The following COG3 variants were observed in gnomAD, a reference collection of about 807,000 sequenced individuals.
COG3 encodes the protein conserved oligomeric Golgi complex subunit 3.
COG3 carries 32 observed loss-of-function variants against 114.1 expected under a neutral mutation model. The ratio of observed to expected loss-of-function variants is 0.28; its 90% CI spans 0.21 to 0.38. COG3 has a LOEUF of 0.38. COG3 is among the 10% of genes least tolerant of loss of function. The pLI, the probability that COG3 is intolerant of heterozygous loss-of-function variation, is 1.00. For synonymous variants in COG3, 352 were observed against 365.7 expected (o/e 0.96, Z 0.43); for missense variants, 813 against 973.2 (o/e 0.84, Z 2.19).
At chr13:45,481,197 AAT>A (rs1405581037) in intron 4 of COG3, 31 bp from the exon 5 acceptor site, 2 of 1,203,146 alleles carry the variant, frequency 1.7e-6, no homozygotes, top group Admixed American at 3.8e-5. Flanking sequence ...ATATTCTTAT[AAT>A]AATTGATTTT....
At chr13:45,483,128 C>T in intron 6 of COG3, 102 bp from the exon 7 acceptor site, 1 of 729,348 alleles carries the variant, frequency 1.4e-6, no homozygotes, top group Non-Finnish European at 2.1e-6. Flanking sequence ...TGTTTTTGAA[C>T]TTTATATATT....
chr13:45,497,926 A>G (rs759607637), intron 13 of COG3, among the ~76,000 whole-genome samples: 1 of 152,218 alleles, frequency 6.6e-6, no homozygotes, highest in South Asian at 2.1e-4. Flanking sequence ...ATGAGTAAAG[A>G]TATCAAGTCA....
chr13:45,478,490 TGA>T (rs2137794237), intron 2 of COG3, among the ~76,000 whole-genome samples: 1 of 150,184 alleles, frequency 6.7e-6, no homozygotes, highest in Admixed American at 6.6e-5. Flanking sequence ...TTTTTTTTTT[TGA>T]GACAGAATTT....
At chr13:45,519,357 T>G (rs900576808) in intron 19 of COG3, among the ~76,000 whole-genome samples, 2 of 152,228 alleles carry the variant, frequency 1.3e-5, no homozygotes, top group African/African-American at 4.8e-5. Context: ...TTAGCTGTGT[T>G]CTGTTTATCC....
At chr13:45,494,149 A>G (rs1868437963) in intron 12 of COG3, among the ~76,000 whole-genome samples, 1 of 152,020 alleles carries the variant, frequency 6.6e-6, no homozygotes, top group Non-Finnish European at 1.5e-5. Flanking sequence ...ACATGGTGAA[A>G]CCCCGTCTCT....
At chr13:45,527,848 G>GA (rs1229299753) in intron 20 of COG3, among the ~76,000 whole-genome samples, 1 of 152,068 alleles carries the variant, frequency 6.6e-6, no homozygotes, top group Non-Finnish European at 1.5e-5. Context: ...ATGTATTAAT[G>GA]AAAAATAAGC....
At position 45,486,339 on chromosome 13, in the gene COG3, C is replaced by CGGGAGACGGAGAGGGAGA. The variant is rs1555295083; in HGVS notation, c.844-150_844-149insCGGAGAGGGAGAGGGAGA. ...GAGACGGGAGACGGGAGACGGGAGA[C>CGGGAGACGGAGAGGGAGA]GGGAGAGGGAGAGGGAGAGGGAGAG... On this transcript the variant is annotated intron_variant, in intron 7 of 22. Transcript: ENST00000349995. Among the ~76,000 whole-genome samples, 171 of 55,230 alleles carry CGGGAGACGGAGAGGGAGA rather than the reference C, an allele frequency of 3.1e-3. 11 individuals carry two copies. The highest frequency in any genetic ancestry group is 3.8e-3 in the Non-Finnish European group (126 of 32,774). The allele number at this position is 55,230 out of a possible 152,430, so 36.2% of individuals were successfully genotyped here. A position where few individuals can be genotyped will look rare whatever the true frequency, so the allele number is the denominator to read the frequency against.
In COG3 at chr13:45,496,153, T is replaced by A; in HGVS notation, c.1329T>A (p.Ala443=). 4 of 1,605,694 alleles carry A rather than the reference T, an allele frequency of 2.5e-6. No individual in the cohort carries two copies. Among genetic ancestry groups the A allele is most frequent in the Admixed American group, 1.7e-5 (1 of 59,256 alleles). ...EVLEDHVQNN[A]EQLGAFAAGV... ...TGGATGATTGCACTTTTTTATCAGC[T>A]GAGCAACTGGGGGCATTTGCAGCTG... The change falls in exon 13 of 23, where the codon GCT becomes GCA. Residue 443 remains alanine, a splice_region_variant and synonymous_variant. Coordinates refer to ENST00000349995, the MANE Select transcript of COG3 (RefSeq NM_031431.4).
chr13:45,469,217 T>C (rs1885326395), intron 1 of COG3, among the ~76,000 whole-genome samples: 1 of 152,202 alleles, frequency 6.6e-6, no homozygotes, highest in Admixed American at 6.5e-5. Flanking sequence ...AAATTTAGAA[T>C]ATATTTACTC....
chr13:45,504,788 G>A lies in COG3; in HGVS notation c.1594+1439G>A, dbSNP rs148667001. ...AATATGGTAGCCACTGCCATTGAGC[G>A]TGTGAAATGTGGCTAGTCTGAATGT... On this transcript the variant is annotated intron_variant, in intron 14 of 22. Transcript: ENST00000349995. Among the ~76,000 whole-genome samples, 892 of 152,290 alleles carry A rather than the reference G, an allele frequency of 5.9e-3. 6 individuals are homozygous for A. Among genetic ancestry groups the A allele is most frequent in the Non-Finnish European group, 9.5e-3 (646 of 68,036 alleles).
At chr13:45,487,538 G>T (rs765871190) in intron 8 of COG3, among the ~76,000 whole-genome samples, 1 of 152,110 alleles carries the variant, frequency 6.6e-6, no homozygotes, top group Non-Finnish European at 1.5e-5. Flanking sequence ...CTTAACAGAA[G>T]AAGGCCCCAA....
chr13:45,486,867 G>A (rs1381967479), intron 8 of COG3, among the ~76,000 whole-genome samples: 1 of 152,226 alleles, frequency 6.6e-6, no homozygotes, highest in East Asian at 1.9e-4. Context: ...CCAATAAGGT[G>A]TTTTGATAAA....
chr13:45,518,631 C>T (rs1170074592), intron 17 of COG3, 131 bp from the exon 18 acceptor site: 1 of 645,428 alleles, frequency 1.5e-6, no homozygotes, highest in Middle Eastern at 3.3e-4. Context: ...CACTCTCAGC[C>T]TTTCATGGAG....
At chr13:45,515,951 TG>T (rs1452738584) in intron 16 of COG3, among the ~76,000 whole-genome samples, 191 bp from the exon 17 acceptor site, 1 of 152,206 alleles carries the variant, frequency 6.6e-6, no homozygotes, top group Non-Finnish European at 1.5e-5. Context: ...CAAGTGACAG[TG>T]CAAATAAGAG....
rs1415542505 is a variant in COG3 at position 45,476,484 on chromosome 13, T to C, written c.321+137T>C. On this transcript the variant is annotated intron_variant, in intron 2 of 22. Transcript: ENST00000349995. ...AGTCTTTCTAGAACATTCTTGATTT[T>C]GCATTAGTTGTGGCTGTTTACGTGT... 3 of 886,484 alleles carry C rather than the reference T, an allele frequency of 3.4e-6. No individual in the cohort carries two copies. In the African/African-American group the frequency reaches 5.0e-5, roughly 15 times the overall value. 54.9% of individuals were successfully genotyped at this position (886,484 alleles called of 1,614,324 possible).
chr13:45,523,885 G>A (rs1872428922), intron 19 of COG3, among the ~76,000 whole-genome samples: 1 of 152,132 alleles, frequency 6.6e-6, no homozygotes, highest in Admixed American at 6.5e-5. Flanking sequence ...AAATGTGAAT[G>A]TATTTTTCTT....
At chr13:45,524,912 G>A in intron 19 of COG3, 64 bp from the exon 20 acceptor site, 1 of 1,216,598 alleles carries the variant, frequency 8.2e-7, no homozygotes, top group Non-Finnish European at 1.2e-6. Context: ...ACCCTTGAGA[G>A]CAGTACCAGT....
At chr13:45,520,220 C>T (rs550690817) in intron 19 of COG3, among the ~76,000 whole-genome samples, 122 of 150,062 alleles carry the variant, frequency 8.1e-4, no homozygotes, top group African/African-American at 2.7e-3. Flanking sequence ...GCTGGGAAGT[C>T]GAGGGTGCAG....
chr13:45,472,440 T>C (rs1282413927), intron 1 of COG3, among the ~76,000 whole-genome samples: 1 of 152,208 alleles, frequency 6.6e-6, no homozygotes, highest in African/African-American at 2.4e-5. Flanking sequence ...CTTGTTCTGC[T>C]TCTTTTGGGA....
Sources: gnomAD v4.1 joint callset for allele counts (sites outside exome capture counted in the v4.1 genomes callset) on GRCh38, gnomAD v4.1.1 for gene constraint, MANE v1.5 for transcripts, NCBI Gene and HGNC (gene_info 2026-07-23, HGNC 2026-07-21) for gene names.